The following CNKSR3 variants were observed in gnomAD, a reference collection of about 807,000 sequenced individuals.
CNKSR3 encodes connector enhancer of kinase suppressor of ras 3.
Under a neutral mutation model 67.7 loss-of-function variants are expected in CNKSR3, and 36 were observed. The ratio of observed to expected loss-of-function variants is 0.53; its 90% CI spans 0.41 to 0.70. CNKSR3 has a LOEUF of 0.70. Among genes scored for constraint, CNKSR3 ranks in the 30% least tolerant of loss-of-function variants. The probability of loss-of-function intolerance (pLI) is 0.00; values close to 1 mark genes in which losing one functional copy is unlikely to be tolerated. For missense variants in CNKSR3, 630 were observed against 695.2 expected, an observed-to-expected ratio of 0.91 and a Z score of 1.05; for synonymous variants, 281 against 271.4, an observed-to-expected ratio of 1.04 and a Z score of -0.35.
intron 1 of CNKSR3, among the ~76,000 whole-genome samples, chr6:154,497,547 A>G (rs1265473770): frequency 6.6e-6 from 1 of 152,248 alleles, no homozygotes; most frequent in East Asian, 1.9e-4. Context: ...GGTACAAAAA[A>G]GGAAATTTGT....
At chr6:154,499,457 CAT>C (rs538492754) in intron 1 of CNKSR3, among the ~76,000 whole-genome samples, 113 of 152,292 alleles carry the variant, frequency 7.4e-4, no homozygotes, top group African/African-American at 2.5e-3. Flanking sequence ...CAGGAATTTA[CAT>C]GTCTATGTTC....
rs995096956 is a variant in CNKSR3 at position 154,393,431 on chromosome 6, C to T, written c.*12923G>A. ...TGATTTTGACTTCACTTTCCCTGCT[C>T]GCTAGTGAAAATCGCTTCACATGCA... On this transcript the variant is annotated 3_prime_UTR_variant, in exon 13 of 13. Coordinates refer to ENST00000607772, the MANE Select transcript of CNKSR3 (RefSeq NM_173515.4). 5 of 152,196 alleles carry T rather than the reference C, an allele frequency of 3.3e-5. No individual in the cohort carries two copies. Among genetic ancestry groups the T allele is most frequent in the Non-Finnish European group, 5.9e-5 (4 of 68,044 alleles). The allele number at this position is 152,196 out of a possible 1,614,324, so 9.4% of individuals were successfully genotyped here.
intron 1 of CNKSR3, among the ~76,000 whole-genome samples, chr6:154,503,446 C>G (rs1282448322): frequency 6.6e-6 from 1 of 152,028 alleles, no homozygotes; most frequent in African/African-American, 2.4e-5. Flanking sequence ...GGCAATACCA[C>G]AAGACCCATC....
At chr6:154,424,340 C>T (rs568914799) in intron 7 of CNKSR3, among the ~76,000 whole-genome samples, 229 of 152,024 alleles carry the variant, frequency 1.5e-3, no homozygotes, top group African/African-American at 5.3e-3. Context: ...TAGCCTAGAA[C>T]TCTTTATGTT....
intron 1 of CNKSR3, among the ~76,000 whole-genome samples, chr6:154,458,468 C>A (rs1468105101): frequency 6.6e-6 from 1 of 152,196 alleles, no homozygotes; most frequent in African/African-American, 2.4e-5. Flanking sequence ...AATTTATAGA[C>A]ATTAAAAGTC....
chr6:154,455,719 G>C (rs1162347149), intron 1 of CNKSR3, among the ~76,000 whole-genome samples: 1 of 152,124 alleles, frequency 6.6e-6, no homozygotes, highest in Non-Finnish European at 1.5e-5. Context: ...AACATGCCTG[G>C]CCTGCTTTTA....
At chr6:154,444,298 C>CT (rs1485476991) in intron 2 of CNKSR3, among the ~76,000 whole-genome samples, 6 of 152,262 alleles carry the variant, frequency 3.9e-5, no homozygotes, top group Non-Finnish European at 5.9e-5. Context: ...GTTTTTATCT[C>CT]TAATTTGCCG....
chr6:154,501,104 T>C (rs1271985730), intron 1 of CNKSR3, among the ~76,000 whole-genome samples: 1 of 152,184 alleles, frequency 6.6e-6, no homozygotes, highest in Admixed American at 6.5e-5. Flanking sequence ...ACCTTAGCCC[T>C]GGCAGGAGGG....
intron 1 of CNKSR3, among the ~76,000 whole-genome samples, chr6:154,489,198 G>C (rs1314485111): frequency 1.3e-5 from 2 of 152,150 alleles, no homozygotes; most frequent in Admixed American, 1.3e-4. Context: ...CTGTGTCTGA[G>C]ATGCTCACTG....
intron 2 of CNKSR3, among the ~76,000 whole-genome samples, chr6:154,445,139 G>C (rs1018276989): frequency 2.0e-5 from 3 of 151,450 alleles, no homozygotes; most frequent in African/African-American, 4.9e-5. Context: ...TTACCTCCTA[G>C]TGAAACAAAA....
chr6:154,435,765 T>A (rs1287228717), intron 4 of CNKSR3, among the ~76,000 whole-genome samples: 1 of 152,234 alleles, frequency 6.6e-6, no homozygotes, highest in East Asian at 1.9e-4. Context: ...CCAGCCTGGG[T>A]GGCACTCAGC....
At chr6:154,477,011 G>T (rs966949937) in intron 1 of CNKSR3, among the ~76,000 whole-genome samples, 2 of 152,156 alleles carry the variant, frequency 1.3e-5, no homozygotes, top group Non-Finnish European at 2.9e-5. Context: ...CAGAAGAACT[G>T]CAGAATGTCT....
intron 1 of CNKSR3, among the ~76,000 whole-genome samples, chr6:154,455,155 C>CA (rs1204515634): frequency 0.014 from 1,820 of 130,950 alleles, 29 homozygotes; most frequent in African/African-American, 0.041. Flanking sequence ...ACTAAAAATA[C>CA]AAAAAAAAAA....
intron 1 of CNKSR3, among the ~76,000 whole-genome samples, chr6:154,454,833 A>G (rs529058497): frequency 2.0e-5 from 3 of 151,320 alleles, no homozygotes; most frequent in South Asian, 4.2e-4. Context: ...AAAAAAAAAA[A>G]ATAATAATAA....
chr6:154,464,962 A>G (rs1374296598), intron 1 of CNKSR3, among the ~76,000 whole-genome samples: 2 of 151,404 alleles, frequency 1.3e-5, no homozygotes, highest in African/African-American at 4.9e-5. Context: ...CAACATGGTG[A>G]AACCCCATCT....
rs572286916 is a variant in CNKSR3, at chr6:154,395,711, A to G, written c.*10643T>C. 6.6e-6 allele frequency: 1 copy of G among 152,282 alleles called. No homozygotes were observed. Among genetic ancestry groups the G allele is most frequent in the African/African-American group, 2.4e-5 (1 of 41,542 alleles). 9.4% of individuals were successfully genotyped at this position (152,282 alleles called of 1,614,324 possible). Reference sequence around the variant, plus strand: ...TGAAGGTTCTTAGTAATATTTCACTATTTAGTCTACAGCCTATATATGCAT... The same window carrying G: ...TGAAGGTTCTTAGTAATATTTCACTGTTTAGTCTACAGCCTATATATGCAT... On this transcript the variant is annotated 3_prime_UTR_variant, in exon 13 of 13. Transcript: ENST00000607772.
At chr6:154,504,444 G>A (rs1270623130) in intron 1 of CNKSR3, among the ~76,000 whole-genome samples, 2 of 152,188 alleles carry the variant, frequency 1.3e-5, no homozygotes, top group Non-Finnish European at 2.9e-5. Context: ...AAAACAAGGA[G>A]TAGAAATGTA....
At chr6:154,429,378 T>C (rs1785318860) in intron 6 of CNKSR3, among the ~76,000 whole-genome samples, 1 of 152,184 alleles carries the variant, frequency 6.6e-6, no homozygotes, top group Admixed American at 6.5e-5. Context: ...ACTCGCAGAT[T>C]ATATCAGCTT....
chr6:154,461,952 A>AGGG (rs948446947), intron 1 of CNKSR3, among the ~76,000 whole-genome samples: 3 of 152,288 alleles, frequency 2.0e-5, no homozygotes, highest in Admixed American at 6.5e-5. Flanking sequence ...GGAGGCAGGA[A>AGGG]GGGGTGCTCC....
Sources: allele counts gnomAD v4.1 joint callset (sites outside exome capture counted in the v4.1 genomes callset), GRCh38; gene constraint gnomAD v4.1.1; transcripts MANE v1.5; gene names NCBI Gene and HGNC (gene_info 2026-07-23, HGNC 2026-07-21).